PPP2R2B: variants seen among roughly 807,000 people sequenced by gnomAD.
PPP2R2B encodes the protein serine/threonine-protein phosphatase 2A 55 kDa regulatory subunit B beta isoform.
A neutral mutation model predicts 46.0 loss-of-function variants in PPP2R2B; 5 were observed. That is an observed-to-expected ratio of 0.11 (90% CI 0.06 to 0.23). PPP2R2B has a LOEUF of 0.23. PPP2R2B is among the 10% of genes least tolerant of loss of function. The pLI, the probability that PPP2R2B is intolerant of heterozygous loss-of-function variation, is 1.00. For missense variants in PPP2R2B, 367 were observed against 575.0 expected (o/e 0.64, Z 3.70); for synonymous variants, 215 against 206.7 (o/e 1.04, Z -0.34).
At chr5:146,613,900 G>A (rs1344414903) in intron 7 of PPP2R2B, among the ~76,000 whole-genome samples, 152 of 133,686 alleles carry the variant, frequency 1.1e-3, no homozygotes, top group African/African-American at 3.8e-3. Context: ...AGGAAGAATC[G>A]ATATCGTGAA....
At chr5:147,046,869 T>G (rs1025083001) in intron 1 of PPP2R2B, among the ~76,000 whole-genome samples, 1 of 152,186 alleles carries the variant, frequency 6.6e-6, no homozygotes, top group South Asian at 2.1e-4. Context: ...CTCCCTCTGC[T>G]AAGTTCCTTA....
intron 2 of PPP2R2B, among the ~76,000 whole-genome samples, chr5:146,752,297 T>C (rs897486114): frequency 6.6e-6 from 1 of 152,018 alleles, no homozygotes; most frequent in African/African-American, 2.4e-5. Flanking sequence ...ATACATTTAT[T>C]GAGATGAAAA....
chr5:146,884,071 AC>A (rs1762248697), intron 1 of PPP2R2B, among the ~76,000 whole-genome samples: 1 of 151,358 alleles, frequency 6.6e-6, no homozygotes, highest in South Asian at 2.1e-4. Context: ...TTAAAAAAAA[AC>A]ACTATGTAAA....
chr5:146,717,719 C>G (rs1780575007), intron 2 of PPP2R2B, among the ~76,000 whole-genome samples: 1 of 152,042 alleles, frequency 6.6e-6, no homozygotes, highest in Admixed American at 6.5e-5. Flanking sequence ...CGGGCCCTTT[C>G]CTCCCTCGCA....
At chr5:147,070,207 G>A (rs77694448) in intron 2 of PPP2R2B, among the ~76,000 whole-genome samples, 356 of 152,202 alleles carry the variant, frequency 2.3e-3, no homozygotes, top group African/African-American at 7.2e-3. Flanking sequence ...ACCACAGACC[G>A]TGGCTATTTT....
At chr5:146,755,438 C>G (rs1218882289) in intron 2 of PPP2R2B, among the ~76,000 whole-genome samples, 1 of 152,178 alleles carries the variant, frequency 6.6e-6, no homozygotes, top group East Asian at 1.9e-4. Flanking sequence ...TTAAGAAAGC[C>G]AACTCCTGTC....
At chr5:146,601,876 A>T (rs1003621267) in intron 7 of PPP2R2B, among the ~76,000 whole-genome samples, 15 of 152,046 alleles carry the variant, frequency 9.9e-5, no homozygotes, top group African/African-American at 3.1e-4. Context: ...CCAGGTTCTT[A>T]TTATCTCTCT....
chr5:146,732,738 A>G (rs1219401385), intron 2 of PPP2R2B, among the ~76,000 whole-genome samples: 1 of 152,216 alleles, frequency 6.6e-6, no homozygotes, highest in East Asian at 1.9e-4. Flanking sequence ...CTAAGTAACA[A>G]GTATTTGAGT....
intron 7 of PPP2R2B, among the ~76,000 whole-genome samples, chr5:146,621,221 A>G (rs1773670340): frequency 6.6e-6 from 1 of 152,194 alleles, no homozygotes. Flanking sequence ...CTCCTAATCC[A>G]CTGATCCATT....
At chr5:146,909,514 G>C (rs978688523) in intron 1 of PPP2R2B, among the ~76,000 whole-genome samples, 3 of 152,132 alleles carry the variant, frequency 2.0e-5, no homozygotes, top group Middle Eastern at 3.2e-3. Flanking sequence ...CTGTTAGCTA[G>C]GCAATCTGCA....
intron 5 of PPP2R2B, among the ~76,000 whole-genome samples, chr5:146,677,038 ACTC>A (rs1173508304): frequency 7.3e-6 from 1 of 136,338 alleles, no homozygotes; most frequent in Non-Finnish European, 1.5e-5. Context: ...TAACTCCTGA[ACTC>A]CTATCTTTGT....
At chr5:147,029,828 C>A (rs550980856) in intron 1 of PPP2R2B, among the ~76,000 whole-genome samples, 46 of 152,210 alleles carry the variant, frequency 3.0e-4, no homozygotes, top group Admixed American at 8.5e-4. Context: ...AAACCCATCC[C>A]GCCAGCACCT....
intron 2 of PPP2R2B, among the ~76,000 whole-genome samples, chr5:146,810,705 CT>C (rs566360243): frequency 2.0e-5 from 3 of 151,078 alleles, no homozygotes; most frequent in East Asian, 1.9e-4. Context: ...TGGCTCCTGT[CT>C]TTTTTTTTCT....
intron 1 of PPP2R2B, among the ~76,000 whole-genome samples, chr5:146,992,525 T>C (rs1329726271): frequency 6.6e-6 from 1 of 152,142 alleles, no homozygotes; most frequent in African/African-American, 2.4e-5. Flanking sequence ...CTTGTTTCTG[T>C]TGGGTGGTAG....
chr5:146,899,137 G>T lies in PPP2R2B; in HGVS notation c.79+156528C>A, dbSNP rs1248038229. 4.7e-5 allele frequency among the ~76,000 whole-genome samples: 7 copies of T among 149,738 alleles called. No homozygotes were observed. The East Asian group carries it at 6.0e-4, about 13-fold the overall frequency. On this transcript the variant is annotated intron_variant, in intron 1 of 8. Transcript: ENST00000336640. Reference sequence around the variant, plus strand: ...TCCCATTACTGGGTATATACCCAAAGGACTATAAATCATGCTGCTATAAAG... The same window carrying T: ...TCCCATTACTGGGTATATACCCAAATGACTATAAATCATGCTGCTATAAAG...
At chr5:146,964,726 C>T (rs531281073) in intron 1 of PPP2R2B, among the ~76,000 whole-genome samples, 35 of 151,992 alleles carry the variant, frequency 2.3e-4, no homozygotes, top group Non-Finnish European at 4.3e-4. Flanking sequence ...AGGGTTTCAC[C>T]GTGTTAGCCA....
Position 146,616,355 on chromosome 5 carries a change from C to CACAA in PPP2R2B, c.791-15899_791-15896dup, listed in dbSNP as rs551396315. 5.3e-4 allele frequency among the ~76,000 whole-genome samples: 80 copies of CACAA among 152,254 alleles called. No individual in the cohort carries two copies. The South Asian group carries it at 0.016, about 31-fold the overall frequency. On this transcript the variant is annotated intron_variant, in intron 7 of 9. Coordinates refer to ENST00000394411, the MANE Select transcript of PPP2R2B (RefSeq NM_181675.4). ...TATTTCTTGAGGGATACCCCGCAAG[C>CACAA]ACAAGCAACCAAAGCAAAAATGAAC...
chr5:146,793,077 G>C (rs1002545457), intron 2 of PPP2R2B, among the ~76,000 whole-genome samples: 1 of 152,152 alleles, frequency 6.6e-6, no homozygotes, highest in African/African-American at 2.4e-5. Context: ...AGCAGTGGAA[G>C]TGATGAAAAA....
At chr5:147,041,538 C>T (rs981292765) in intron 1 of PPP2R2B, among the ~76,000 whole-genome samples, 6 of 152,016 alleles carry the variant, frequency 3.9e-5, no homozygotes, top group African/African-American at 1.2e-4. Flanking sequence ...GAGGAGACTA[C>T]GCAAAGTTCA....
Sources: allele counts gnomAD v4.1 joint callset (sites outside exome capture counted in the v4.1 genomes callset), GRCh38; gene constraint gnomAD v4.1.1; transcripts MANE v1.5; gene names NCBI Gene and HGNC (gene_info 2026-07-23, HGNC 2026-07-21).